The following ADCY9 variants were observed in gnomAD, a reference collection of about 807,000 sequenced individuals.
ADCY9 encodes the protein adenylate cyclase 9.
ADCY9 carries 50 observed loss-of-function variants against 101.5 expected under a neutral mutation model. The ratio of observed to expected loss-of-function variants is 0.49; its 90% confidence interval spans 0.39 to 0.62. The LOEUF (loss-of-function observed/expected upper bound fraction) is 0.62, where lower values mean the gene tolerates loss of function less well. Among genes scored for constraint, ADCY9 ranks in the 20% least tolerant of loss-of-function variants. The pLI is 0.00. For missense variants in ADCY9, 1,662 were observed against 1,800.4 expected (o/e 0.92, Z 1.39); for synonymous variants, 905 against 769.3 (o/e 1.18, Z -2.92).
At chr16:4,105,136 T>C (rs1366027655) in intron 2 of ADCY9, among the ~76,000 whole-genome samples, 1 of 152,152 alleles carries the variant, frequency 6.6e-6, no homozygotes, top group Non-Finnish European at 1.5e-5. Flanking sequence ...CAAAAATGTA[T>C]GGCAGTGCCA....
At chr16:4,088,831 A>C (rs1284360809) in intron 2 of ADCY9, among the ~76,000 whole-genome samples, 1 of 152,044 alleles carries the variant, frequency 6.6e-6, no homozygotes, top group Non-Finnish European at 1.5e-5. Flanking sequence ...GAGAGAATTC[A>C]TATACTGTGT....
intron 10 of ADCY9, among the ~76,000 whole-genome samples, chr16:3,972,496 G>A (rs1034705261): frequency 4.6e-5 from 7 of 152,268 alleles, no homozygotes; most frequent in African/African-American, 1.7e-4. Flanking sequence ...GCCTCCCAAA[G>A]TGTTGGGATT....
At chr16:4,014,407 C>T (rs546627304) in intron 2 of ADCY9, among the ~76,000 whole-genome samples, 2 of 151,672 alleles carry the variant, frequency 1.3e-5, no homozygotes, top group South Asian at 4.2e-4. Flanking sequence ...AGGGTAGGCA[C>T]CTTGCCTGTT....
intron 3 of ADCY9, among the ~76,000 whole-genome samples, chr16:3,994,727 G>A (rs1037341681): frequency 6.6e-6 from 1 of 152,108 alleles, no homozygotes. Flanking sequence ...CAAAGTGCTG[G>A]GATTACAAGC....
chr16:3,954,997 C>T (rs968358397), intron 5 of ADCY9, among the ~76,000 whole-genome samples: 1 of 152,086 alleles, frequency 6.6e-6, no homozygotes, highest in Non-Finnish European at 1.5e-5. Flanking sequence ...GCCAGTATAA[C>T]AGACAGGTGA....
At chr16:4,008,720 G>A (rs1391987113) in intron 2 of ADCY9, among the ~76,000 whole-genome samples, 3 of 152,048 alleles carry the variant, frequency 2.0e-5, no homozygotes, top group African/African-American at 7.3e-5. Context: ...CCACCACCAC[G>A]CCTGGCTAAT....
chr16:4,090,761 G>C (rs1052325103), intron 2 of ADCY9, among the ~76,000 whole-genome samples: 2 of 151,432 alleles, frequency 1.3e-5, no homozygotes, highest in African/African-American at 4.9e-5. Flanking sequence ...GCTTGCCCTA[G>C]ATACCAACTG....
chr16:4,038,022 C>T (rs1454062409), intron 2 of ADCY9, among the ~76,000 whole-genome samples: 2 of 152,168 alleles, frequency 1.3e-5, no homozygotes, highest in African/African-American at 4.8e-5. Context: ...ACCTGTAATC[C>T]CAACAGTTTG....
intron 2 of ADCY9, among the ~76,000 whole-genome samples, chr16:4,055,304 G>A (rs1293220516): frequency 5.9e-5 from 9 of 152,028 alleles, no homozygotes; most frequent in East Asian, 3.9e-4. Flanking sequence ...AGGCTGAGGC[G>A]AGCAGATCAC....
Position 4,007,016 on chromosome 16 carries a change from C to T in ADCY9, c.1884+352G>A, listed in dbSNP as rs1398492374. 3.9e-5 allele frequency among the ~76,000 whole-genome samples: 6 copies of T among 152,282 alleles called. No individual in the cohort carries two copies. In the East Asian group the frequency reaches 1.2e-3, roughly 29 times the overall value. On this transcript the variant is annotated intron_variant, in intron 3 of 10. Coordinates refer to ENST00000294016, the MANE Select transcript of ADCY9 (RefSeq NM_001116.4). The stretch of plus-strand genomic sequence containing the variant: ...TCTCTGAAATCAGATTATCAACTAG[C>T]TCTCCACCCAAGGTGCCAAGGAAAG...
At chr16:4,080,717 C>CAT (rs1394077011) in intron 2 of ADCY9, among the ~76,000 whole-genome samples, 1 of 70,262 alleles carries the variant, frequency 1.4e-5, no homozygotes, top group Admixed American at 1.5e-4. Flanking sequence ...ACATTTTTTT[C>CAT]GTTTTTTTTT....
chr16:4,006,296 C>T (rs925202788), intron 3 of ADCY9, among the ~76,000 whole-genome samples: 4 of 152,092 alleles, frequency 2.6e-5, no homozygotes, highest in Admixed American at 6.6e-5. Context: ...AAAATGCCAG[C>T]GGTGCCAAGG....
rs761591573 is a variant in ADCY9, at chr16:3,966,960, C to T, written c.2877G>A (p.Glu959=). Residue 959 remains glutamate, a synonymous_variant, in exon 11 of 11, where the codon GAG becomes GAA. Coordinates refer to ENST00000294016, the MANE Select transcript of ADCY9 (RefSeq NM_001116.4). ...PLDAVQNFSS[E]RNPCNSSVPR... is the part of the protein sequence containing the mutation. ...GCACCGAACTATTGCACGGGTTCCT[C>T]TCGGAACTGGAGAGCAAAGACACGG... 8 of 1,610,364 alleles carry T rather than the reference C, an allele frequency of 5.0e-6. No individual in the cohort carries two copies. The East Asian group carries it at 1.6e-4, about 31-fold the overall frequency.
intron 2 of ADCY9, among the ~76,000 whole-genome samples, chr16:4,046,273 C>T (rs563640834): frequency 1.6e-4 from 25 of 152,288 alleles, no homozygotes; most frequent in African/African-American, 4.8e-4. Context: ...AGCACTGAAC[C>T]ACAACACCCA....
At chr16:4,012,091 G>A (rs1357357724) in intron 2 of ADCY9, among the ~76,000 whole-genome samples, 1 of 152,202 alleles carries the variant, frequency 6.6e-6, no homozygotes, top group Non-Finnish European at 1.5e-5. Context: ...TCTGACTTGA[G>A]TTTTTCTTTA....
intron 2 of ADCY9, among the ~76,000 whole-genome samples, chr16:4,037,262 G>C (rs1374190496): frequency 6.6e-6 from 1 of 152,120 alleles, no homozygotes; most frequent in African/African-American, 2.4e-5. Context: ...AGGCTGCAGT[G>C]AGCTATGATT....
At position 3,999,598 on chromosome 16, in the gene ADCY9, C is replaced by G. The variant is rs1306075537; in HGVS notation, c.1885-6088G>C. On this transcript the variant is annotated intron_variant, in intron 3 of 10. Transcript: ENST00000294016. ...AGCAGCACCCTGGGCCCTCCGGCAT[C>G]AAGGGAAGTCTCAAGACTTCTAAGG... Among the ~76,000 whole-genome samples the G allele has an allele frequency of 6.6e-5, 10 of 152,208 alleles. No individual in the cohort carries two copies. The East Asian group carries it at 1.9e-3, about 29-fold the overall frequency.
chr16:4,112,957 C>T (rs1256222225), intron 2 of ADCY9, among the ~76,000 whole-genome samples: 3 of 151,942 alleles, frequency 2.0e-5, no homozygotes, highest in Non-Finnish European at 2.9e-5. Context: ...TCAAGAATAG[C>T]AGTAAGGAGC....
chr16:3,995,403 G>A (rs1567429457), intron 3 of ADCY9, among the ~76,000 whole-genome samples: 1 of 152,004 alleles, frequency 6.6e-6, no homozygotes. Context: ...ACTCCAGCCT[G>A]GGGCAAAAGA....
Sources: allele counts gnomAD v4.1 joint callset (sites outside exome capture counted in the v4.1 genomes callset), GRCh38; gene constraint gnomAD v4.1.1; transcripts MANE v1.5; gene names NCBI Gene and HGNC (gene_info 2026-07-23, HGNC 2026-07-21).